The following CPNE4 variants were observed in gnomAD, a reference collection of about 807,000 sequenced individuals.
CPNE4 encodes the protein copine-4.
A neutral mutation model predicts 67.9 loss-of-function variants in CPNE4; 25 were observed. That is an observed-to-expected ratio of 0.37 (90% CI 0.27 to 0.51). CPNE4 has a LOEUF of 0.51. CPNE4 is among the 20% of genes least tolerant of loss of function. CPNE4 has a pLI of 0.93. For missense variants in CPNE4, 464 were observed against 690.8 expected, an observed-to-expected ratio of 0.67 and a Z score of 3.68; for synonymous variants, 242 against 244.9, an observed-to-expected ratio of 0.99 and a Z score of 0.11.
chr3:131,629,547 C>A (rs1023593726), intron 7 of CPNE4, among the ~76,000 whole-genome samples: 4 of 151,990 alleles, frequency 2.6e-5, no homozygotes, highest in Non-Finnish European at 4.4e-5. Flanking sequence ...CAGGTTCAAG[C>A]AATTCTCATA....
chr3:131,955,410 G>GT (rs766033406), intron 1 of CPNE4, among the ~76,000 whole-genome samples: 1,641 of 42,080 alleles, frequency 0.039, 120 homozygotes, highest in African/African-American at 0.099. Context: ...TGTATGTAAG[G>GT]TTTTTTTTTT....
intron 2 of CPNE4, among the ~76,000 whole-genome samples, chr3:131,769,852 G>A (rs2083120093): frequency 6.6e-6 from 1 of 152,072 alleles, no homozygotes; most frequent in Admixed American, 6.6e-5. Context: ...AATAGGAGCT[G>A]TATTATGAGA....
intron 2 of CPNE4, among the ~76,000 whole-genome samples, chr3:131,836,349 A>T (rs984483926): frequency 2.0e-5 from 3 of 152,184 alleles, no homozygotes; most frequent in Non-Finnish European, 4.4e-5. Flanking sequence ...AGTCTAAAAG[A>T]AAAAAAGTGT....
chr3:131,883,233 T>C (rs780569478), intron 2 of CPNE4, among the ~76,000 whole-genome samples: 4 of 152,208 alleles, frequency 2.6e-5, no homozygotes, highest in East Asian at 1.9e-4. Flanking sequence ...GAATTATTGA[T>C]GCAACCTCAA....
intron 3 of CPNE4, among the ~76,000 whole-genome samples, chr3:131,709,687 A>C (rs1420998967): frequency 3.3e-5 from 5 of 152,250 alleles, no homozygotes; most frequent in Admixed American, 1.3e-4. Context: ...AGTTACTTCA[A>C]GGTTCAAATG....
At chr3:131,848,973 A>C (rs1477935944) in intron 2 of CPNE4, among the ~76,000 whole-genome samples, 4 of 150,026 alleles carry the variant, frequency 2.7e-5, no homozygotes, top group Admixed American at 1.3e-4. Context: ...AAAAAAAAAA[A>C]AAAAAAAAAC....
intron 2 of CPNE4, among the ~76,000 whole-genome samples, chr3:131,730,820 T>A (rs917238257): frequency 1.3e-5 from 2 of 152,140 alleles, no homozygotes; most frequent in African/African-American, 4.8e-5. Flanking sequence ...AGAGAACCAG[T>A]TCTGCTGACA....
chr3:131,724,983 C>T (rs892011863), intron 2 of CPNE4, among the ~76,000 whole-genome samples: 1 of 152,194 alleles, frequency 6.6e-6, no homozygotes, highest in Non-Finnish European at 1.5e-5. Context: ...CATCCCTGTA[C>T]TAGAGATACC....
chr3:131,863,349 T>C (rs907757587), intron 2 of CPNE4, among the ~76,000 whole-genome samples: 2 of 152,132 alleles, frequency 1.3e-5, no homozygotes, highest in Non-Finnish European at 2.9e-5. Flanking sequence ...TTCCTATTTC[T>C]CCACATCCTC....
chr3:131,667,866 T>C (rs1432745790), intron 7 of CPNE4, among the ~76,000 whole-genome samples: 1 of 152,164 alleles, frequency 6.6e-6, no homozygotes, highest in African/African-American at 2.4e-5. Flanking sequence ...AAAGTAGATA[T>C]ATGGCTAAAG....
chr3:131,550,159 G>T, intron 13 of CPNE4, 79 bp from the exon 14 acceptor site: 3 of 1,473,324 alleles, frequency 2.0e-6, no homozygotes, highest in South Asian at 2.4e-5. Flanking sequence ...CAAAAGTAAA[G>T]CATTAAATAT....
chr3:132,014,362 A>C, intron 1 of CPNE4, among the ~76,000 whole-genome samples: 1 of 149,994 alleles, frequency 6.7e-6, no homozygotes. Context: ...CTCTCTCTCC[A>C]AGATCCTGTT....
intron 3 of CPNE4, among the ~76,000 whole-genome samples, chr3:131,722,278 T>C (rs112563909): frequency 6.6e-6 from 1 of 152,104 alleles, no homozygotes; most frequent in East Asian, 1.9e-4. Flanking sequence ...TTAAGACATA[T>C]AATTTGGAAT....
intron 10 of CPNE4, among the ~76,000 whole-genome samples, chr3:131,565,409 A>G (rs146637796): frequency 9.2e-5 from 14 of 152,086 alleles, no homozygotes; most frequent in Non-Finnish European, 1.8e-4. Flanking sequence ...TATTTGTGTT[A>G]TATTTGGTAA....
chr3:131,874,058 G>A (rs1377884447), intron 2 of CPNE4, among the ~76,000 whole-genome samples: 1 of 151,896 alleles, frequency 6.6e-6, no homozygotes, highest in East Asian at 1.9e-4. Context: ...CTTGGGGTCT[G>A]AGATTTACTT....
intron 2 of CPNE4, among the ~76,000 whole-genome samples, chr3:131,743,829 A>G (rs371922588): frequency 1.1e-3 from 172 of 151,414 alleles, no homozygotes; most frequent in South Asian, 3.3e-3. Flanking sequence ...CGGGCGTGGT[A>G]GCGGGCGCCT....
chr3:131,829,941 C>G (rs181209429), intron 2 of CPNE4, among the ~76,000 whole-genome samples: 48 of 152,162 alleles, frequency 3.2e-4, no homozygotes, highest in Non-Finnish European at 6.3e-4. Flanking sequence ...CACACATACA[C>G]AAACACCTTC....
chr3:131,555,447 A>G, intron 12 of CPNE4, 50 bp downstream of exon 12: 1 of 1,540,648 alleles, frequency 6.5e-7, no homozygotes, highest in Non-Finnish European at 9.0e-7. Flanking sequence ...GAGCCAAGTT[A>G]TCCTTTGACC....
At chr3:131,985,819 T>C (rs1323028939) in intron 1 of CPNE4, 1 of 154,068 alleles carries the variant, frequency 6.5e-6, no homozygotes, top group Non-Finnish European at 1.5e-5. Flanking sequence ...ACCTAGTCCA[T>C]GTACTGAGCA....
Sources: gnomAD v4.1 joint callset for allele counts (sites outside exome capture counted in the v4.1 genomes callset) on GRCh38, gnomAD v4.1.1 for gene constraint, MANE v1.5 for transcripts, NCBI Gene and HGNC (gene_info 2026-07-23, HGNC 2026-07-21) for gene names.